PAK1: variants seen among roughly 807,000 people sequenced by gnomAD.
PAK1 encodes the protein serine/threonine-protein kinase PAK 1.
PAK1 carries 29 observed loss-of-function variants against 67.4 expected under a neutral mutation model. The observed-to-expected ratio is 0.43, with a 90% CI of 0.32 to 0.59. The LOEUF (loss-of-function observed/expected upper bound fraction) is 0.59, where lower values mean the gene tolerates loss of function less well. Among genes scored for constraint, PAK1 ranks in the 20% least tolerant of loss-of-function variants. The pLI is 0.07. For synonymous variants in PAK1, 223 were observed against 237.4 expected (o/e 0.94, Z 0.56); for missense variants, 337 against 670.7 (o/e 0.50, Z 5.50).
intron 1 of PAK1, among the ~76,000 whole-genome samples, chr11:77,465,955 AT>A (rs1378400968): frequency 1.3e-5 from 2 of 152,216 alleles, no homozygotes; most frequent in Non-Finnish European, 1.5e-5. Flanking sequence ...TCTCAAAAAA[AT>A]AAATAAATAA....
intron 10 of PAK1, among the ~76,000 whole-genome samples, chr11:77,343,188 G>C (rs1006743055): frequency 6.6e-6 from 1 of 151,570 alleles, no homozygotes; most frequent in African/African-American, 2.4e-5. Flanking sequence ...TGGAATGATG[G>C]GCTAAAATAA....
chr11:77,500,259 G>A, the PAK1 span, among the ~76,000 whole-genome samples: 1 of 151,934 alleles, frequency 6.6e-6, no homozygotes, highest in Non-Finnish European at 1.5e-5. Context: ...ACAAGGTCAG[G>A]AGTTCGAGAC....
intron 1 of PAK1, among the ~76,000 whole-genome samples, chr11:77,424,955 T>C (rs1016904733): frequency 3.3e-5 from 5 of 152,226 alleles, no homozygotes; most frequent in Non-Finnish European, 5.9e-5. Flanking sequence ...CTCTCAATAA[T>C]TACATCTACT....
chr11:77,464,130 G>A (rs1957486706), intron 1 of PAK1, among the ~76,000 whole-genome samples: 1 of 152,118 alleles, frequency 6.6e-6, no homozygotes, highest in South Asian at 2.1e-4. Context: ...GCATCTCTAT[G>A]TGAATCAGTC....
the PAK1 span, among the ~76,000 whole-genome samples, chr11:77,494,853 T>G: frequency 6.6e-6 from 1 of 152,058 alleles, no homozygotes; most frequent in South Asian, 2.1e-4. Context: ...GACCCCCATC[T>G]ATATACAAAA....
intron 1 of PAK1, among the ~76,000 whole-genome samples, chr11:77,400,431 A>C (rs919090486): frequency 2.0e-5 from 3 of 152,216 alleles, no homozygotes; most frequent in African/African-American, 7.2e-5. Context: ...TTTAATTAAA[A>C]AACAAGGTTG....
intron 1 of PAK1, among the ~76,000 whole-genome samples, chr11:77,434,250 G>C (rs1956004274): frequency 1.3e-5 from 2 of 152,050 alleles, no homozygotes; most frequent in Non-Finnish European, 2.9e-5. Context: ...TCCATGAACT[G>C]ATAAAGGAAT....
intron 1 of PAK1, among the ~76,000 whole-genome samples, chr11:77,445,127 T>G (rs1407226879): frequency 6.6e-6 from 1 of 152,158 alleles, no homozygotes; most frequent in Non-Finnish European, 1.5e-5. Flanking sequence ...AGGGGAAATT[T>G]GGACACAAGA....
chr11:77,423,441 A>ACC (rs1491360194), intron 1 of PAK1, among the ~76,000 whole-genome samples: 410 of 139,558 alleles, frequency 2.9e-3, no homozygotes, highest in Middle Eastern at 7.0e-3. Flanking sequence ...ACACACACAC[A>ACC]CCCCTTAGGA....
At chr11:77,467,393 G>A (rs1204948217) in intron 1 of PAK1, among the ~76,000 whole-genome samples, 1 of 152,090 alleles carries the variant, frequency 6.6e-6, no homozygotes, top group Non-Finnish European at 1.5e-5. Context: ...TAAACCCAAG[G>A]GTAGAGGCTA....
chr11:77,328,814 A>C (rs1392173645), intron 14 of PAK1, among the ~76,000 whole-genome samples: 1 of 152,200 alleles, frequency 6.6e-6, no homozygotes, highest in African/African-American at 2.4e-5. Flanking sequence ...AGAGACACAA[A>C]AAACCCTTCA....
At chr11:77,347,938 A>T (rs2136351433) in intron 9 of PAK1, among the ~76,000 whole-genome samples, 1 of 152,274 alleles carries the variant, frequency 6.6e-6, no homozygotes, top group East Asian at 1.9e-4. Context: ...AGGTTATATA[A>T]GTAGCTAAAG....
In PAK1 at chr11:77,324,172, C is replaced by CTTTTT. The variant is rs11324143; in HGVS notation, c.1552-817_1552-813dup. 3.8e-3 allele frequency among the ~76,000 whole-genome samples: 482 copies of CTTTTT among 127,408 alleles called. 16 individuals are homozygous for CTTTTT. Among genetic ancestry groups the CTTTTT allele is most frequent in the African/African-American group, 0.013 (427 of 31,970 alleles). The allele number at this position is 127,408 out of a possible 152,430, so 83.6% of individuals were successfully genotyped here. A position where few individuals can be genotyped will look rare whatever the true frequency, so the allele number is the denominator to read the frequency against. ...GTAAAACTGTTACAGAAAGCAATTC[C>CTTTTT]TTTTTTTTTTTTTTTTTTGAGACGG... On this transcript the variant is annotated intron_variant, in intron 14 of 14. Coordinates refer to ENST00000356341, the MANE Select transcript of PAK1 (RefSeq NM_002576.5).
At chr11:77,361,583 G>C (rs1788707928) in intron 5 of PAK1, among the ~76,000 whole-genome samples, 1 of 152,010 alleles carries the variant, frequency 6.6e-6, no homozygotes, top group South Asian at 2.1e-4. Context: ...TCTTTTTAAA[G>C]TGCTTTATTA....
chr11:77,400,675 C>G (rs1260988258), intron 1 of PAK1, among the ~76,000 whole-genome samples: 1 of 152,120 alleles, frequency 6.6e-6, no homozygotes, highest in Non-Finnish European at 1.5e-5. Flanking sequence ...CCACAGAAAA[C>G]CTTCAGGATT....
intron 2 of PAK1, among the ~76,000 whole-genome samples, chr11:77,381,168 T>TA (rs1187723761): frequency 0.026 from 3,663 of 141,192 alleles, 137 homozygotes; most frequent in African/African-American, 0.091. Context: ...TGTGTGTGTG[T>TA]GTGTGTGTAG....
rs535076173 is a variant in PAK1 at position 77,423,473 on chromosome 11, T to C, written c.-21-30932A>G. Among the ~76,000 whole-genome samples the C allele has an allele frequency of 6.0e-5, 9 of 149,192 alleles. No homozygotes were observed. In the South Asian group the frequency reaches 1.9e-3, roughly 32 times the overall value. ...AGGACAATAGTAATCATCAGTGGAATACAGGTAATAAAGTAGGAGACAATT... is the reference window on the plus strand; with the variant it reads ...AGGACAATAGTAATCATCAGTGGAACACAGGTAATAAAGTAGGAGACAATT... On this transcript the variant is annotated intron_variant, in intron 1 of 14. Transcript: ENST00000356341.
At chr11:77,489,595 C>A in the PAK1 span, among the ~76,000 whole-genome samples, 7 of 152,260 alleles carry the variant, frequency 4.6e-5, no homozygotes, top group Non-Finnish European at 8.8e-5. Context: ...ATTGCAGGCG[C>A]GCGCCGCCAC....
intron 8 of PAK1, among the ~76,000 whole-genome samples, chr11:77,350,644 G>A (rs1002746408): frequency 6.6e-6 from 1 of 152,126 alleles, no homozygotes; most frequent in Non-Finnish European, 1.5e-5. Context: ...GGCAAGCCCT[G>A]AGATTATAAT....
Sources: gnomAD v4.1 joint callset for allele counts (sites outside exome capture counted in the v4.1 genomes callset) on GRCh38, gnomAD v4.1.1 for gene constraint, MANE v1.5 for transcripts, NCBI Gene and HGNC (gene_info 2026-07-23, HGNC 2026-07-21) for gene names.